Variants in CACNB2 observed in about 807,000 individuals in gnomAD.
CACNB2 encodes voltage-dependent L-type calcium channel subunit beta-2.
A neutral mutation model predicts 73.3 loss-of-function variants in CACNB2; 42 were observed. The ratio of observed to expected loss-of-function variants is 0.57; its 90% CI spans 0.45 to 0.74. The LOEUF is 0.74. Among genes scored for constraint, CACNB2 ranks in the 30% least tolerant of loss-of-function variants. The pLI is 0.00. For synonymous variants in CACNB2, 348 were observed against 310.3 expected (o/e 1.12, Z -1.28); for missense variants, 940 against 853.0 (o/e 1.10, Z -1.27).
chr10:18,276,047 A>G (rs2038273665), intron 2 of CACNB2, among the ~76,000 whole-genome samples: 1 of 152,240 alleles, frequency 6.6e-6, no homozygotes, highest in Non-Finnish European at 1.5e-5. Flanking sequence ...CAAAGTATTA[A>G]CATATATTTT....
rs1455238592 is a variant in CACNB2 at position 18,539,662 on chromosome 10, GTGATATCAAA to G, written c.1922_1931del (p.Val641GlufsTer30). 6.2e-7 allele frequency: 1 copy of G among 1,612,448 alleles called. No homozygotes were observed. The highest frequency in any genetic ancestry group is 8.5e-7 in the Non-Finnish European group (1 of 1,179,676). On this transcript the variant is annotated frameshift_variant, in exon 14 of 14. Transcript: ENST00000324631. LOFTEE classifies it high-confidence loss of function. ...TCGCTACTGTGAAAAGGATGGAGAAGTGATATCAAAAAAACGGAATGAGGCTGGGGAGTGG... is the reference window on the plus strand; with the variant it reads ...TCGCTACTGTGAAAAGGATGGAGAAGAAAACGGAATGAGGCTGGGGAGTGG...
intron 3 of CACNB2, among the ~76,000 whole-genome samples, chr10:18,449,045 G>T (rs528529574): frequency 6.6e-6 from 1 of 152,166 alleles, no homozygotes; most frequent in Non-Finnish European, 1.5e-5. Context: ...CTATGGTCTG[G>T]TAATGGTGTT....
chr10:18,522,615 C>T (rs1487964158), intron 9 of CACNB2, among the ~76,000 whole-genome samples: 1 of 151,994 alleles, frequency 6.6e-6, no homozygotes, highest in Non-Finnish European at 1.5e-5. Context: ...CTTGGTGGCT[C>T]CTGCCTGTAA....
chr10:18,351,917 C>T (rs1237174567), intron 2 of CACNB2, among the ~76,000 whole-genome samples: 1 of 152,114 alleles, frequency 6.6e-6, no homozygotes, highest in African/African-American at 2.4e-5. Flanking sequence ...AGAGTGATGA[C>T]ATTTAAAACA....
At chr10:18,177,112 C>T (rs1156978349) in intron 2 of CACNB2, among the ~76,000 whole-genome samples, 1 of 152,092 alleles carries the variant, frequency 6.6e-6, no homozygotes, top group Non-Finnish European at 1.5e-5. Flanking sequence ...GGAGAACATA[C>T]AGAAGCAGAA....
intron 2 of CACNB2, among the ~76,000 whole-genome samples, chr10:18,355,371 G>A (rs1424008285): frequency 6.6e-6 from 1 of 152,106 alleles, no homozygotes; most frequent in East Asian, 1.9e-4. Context: ...ATAATGAAAA[G>A]AAAAATGTAT....
At chr10:18,141,231 C>T (rs755903140) in intron 1 of CACNB2, 24 of 274,598 alleles carry the variant, frequency 8.7e-5, no homozygotes, top group South Asian at 5.1e-4. Context: ...TCCGGGTGGG[C>T]GGGAGGGGGC....
intron 3 of CACNB2, among the ~76,000 whole-genome samples, chr10:18,486,332 C>T (rs1168587728): frequency 1.3e-5 from 2 of 152,116 alleles, no homozygotes; most frequent in Non-Finnish European, 2.9e-5. Flanking sequence ...AACTATAGTG[C>T]CATGAAATTA....
intron 5 of CACNB2, among the ~76,000 whole-genome samples, chr10:18,501,348 A>G (rs2050182957): frequency 6.6e-6 from 1 of 152,248 alleles, no homozygotes. Flanking sequence ...CTCAGACATC[A>G]TCAGGCAGTG....
At chr10:18,175,964 A>G (rs746144884) in intron 2 of CACNB2, among the ~76,000 whole-genome samples, 2 of 152,184 alleles carry the variant, frequency 1.3e-5, no homozygotes, top group Non-Finnish European at 2.9e-5. Context: ...AAGAAAGCCC[A>G]TTATACGTAT....
At chr10:18,288,043 G>T (rs370334168) in intron 2 of CACNB2, among the ~76,000 whole-genome samples, 15 of 152,212 alleles carry the variant, frequency 9.9e-5, no homozygotes, top group East Asian at 7.7e-4. Flanking sequence ...TTCCCTCTGT[G>T]CAGGTCTGTC....
intron 2 of CACNB2, among the ~76,000 whole-genome samples, chr10:18,159,172 G>C (rs1255511610): frequency 6.6e-6 from 1 of 152,014 alleles, no homozygotes; most frequent in Admixed American, 6.5e-5. Context: ...ATGACTGCCA[G>C]CTTTGCTTTA....
At chr10:18,347,344 A>ATTTTTTTTTTTTTTT (rs201654242) in intron 2 of CACNB2, among the ~76,000 whole-genome samples, 10 of 120,818 alleles carry the variant, frequency 8.3e-5, no homozygotes, top group South Asian at 5.8e-4. Flanking sequence ...TGCCCGTCTA[A>ATTTTTTTTTTTTTTT]TTTTTTTTTT....
At chr10:18,381,645 G>A (rs1447780780) in intron 2 of CACNB2, among the ~76,000 whole-genome samples, 4 of 147,544 alleles carry the variant, frequency 2.7e-5, no homozygotes, top group Non-Finnish European at 5.9e-5. Flanking sequence ...CCGAGATCAG[G>A]CCACTGCTCT....
intron 3 of CACNB2, among the ~76,000 whole-genome samples, chr10:18,463,372 A>G (rs2047685725): frequency 6.6e-6 from 1 of 151,152 alleles, no homozygotes. Context: ...AAAAAAAAAA[A>G]GTTTTTGTGT....
rs528743872 is a variant in CACNB2, at chr10:18,172,513, G to A, written c.213+21538G>A. Among the ~76,000 whole-genome samples, 7 of 152,128 alleles carry A rather than the reference G, an allele frequency of 4.6e-5. No homozygotes were observed. In the South Asian group the frequency reaches 1.2e-3, roughly 27 times the overall value. The stretch of plus-strand genomic sequence containing the variant: ...TTTTTTTGTAATTTTTTTTCAAACT[G>A]TACAATATCCCTGAGAGTAGGGAAG... On this transcript the variant is annotated intron_variant, in intron 2 of 13. Coordinates refer to ENST00000324631, the MANE Select transcript of CACNB2 (RefSeq NM_201596.3).
At position 18,402,164 on chromosome 10, in the gene CACNB2, A is replaced by G. The variant is rs990538255; in HGVS notation, c.333+121A>G. The G allele has an allele frequency of 8.7e-6, 10 of 1,143,280 alleles. No homozygotes were observed. In the African/African-American group the frequency reaches 1.4e-4, roughly 15 times the overall value. 70.8% of individuals were successfully genotyped at this position (1,143,280 alleles called of 1,614,324 possible). A position where few individuals can be genotyped will look rare whatever the true frequency, so the allele number is the denominator to read the frequency against. ...TTAGAGAATTTCATTGTCTGGTTTT[A>G]GAAAGGTACAAAAAATGGAGCCTAG... On this transcript the variant is annotated intron_variant, in intron 3 of 13. Coordinates refer to ENST00000324631, the MANE Select transcript of CACNB2 (RefSeq NM_201596.3).
chr10:18,159,650 A>G (rs1159114145), intron 2 of CACNB2, among the ~76,000 whole-genome samples: 1 of 152,188 alleles, frequency 6.6e-6, no homozygotes, highest in Admixed American at 6.6e-5. Context: ...TATTAGTTCA[A>G]ATTGGCTTTA....
intron 2 of CACNB2, among the ~76,000 whole-genome samples, chr10:18,173,447 T>C (rs2033385294): frequency 6.6e-6 from 1 of 152,180 alleles, no homozygotes; most frequent in South Asian, 2.1e-4. Flanking sequence ...CGGTGGCTTA[T>C]GTTAGGATGG....
Sources: allele counts gnomAD v4.1 joint callset (sites outside exome capture counted in the v4.1 genomes callset), GRCh38; gene constraint gnomAD v4.1.1; transcripts MANE v1.5; gene names NCBI Gene and HGNC (gene_info 2026-07-23, HGNC 2026-07-21).